The following C17orf67 variants were observed in gnomAD, a reference collection of about 807,000 sequenced individuals.
C17orf67 encodes the protein chromosome 17 open reading frame 67, also known as uncharacterized protein C17orf67.
C17orf67 carries 12 observed loss-of-function variants against 11.2 expected under a neutral mutation model. The ratio of observed to expected loss-of-function variants is 1.07; its 90% CI spans 0.68 to 1.73. The LOEUF is 1.73. Among genes scored for constraint, C17orf67 ranks in the 40% most tolerant of loss-of-function variants. The probability of loss-of-function intolerance (pLI) is 0.00; values close to 1 mark genes in which losing one functional copy is unlikely to be tolerated. For missense variants in C17orf67, 115 were observed against 113.5 expected (o/e 1.01, Z -0.06); for synonymous variants, 59 against 46.9 (o/e 1.26, Z -1.05).
chr17:56,819,475 A>G, intron 4 of C17orf67, among the ~76,000 whole-genome samples: 1 of 152,134 alleles, frequency 6.6e-6, no homozygotes, highest in East Asian at 1.9e-4. Context: ...GCAAGCTTGT[A>G]TTATTTTTAT....
chr17:56,831,088 C>T (rs1368765319), intron 2 of C17orf67, among the ~76,000 whole-genome samples: 1 of 151,942 alleles, frequency 6.6e-6, no homozygotes, highest in Non-Finnish European at 1.5e-5. Flanking sequence ...AGTTTCATTT[C>T]AATATAAAAG....
chr17:56,793,093 C>G (rs1905148078), intron 7 of C17orf67, among the ~76,000 whole-genome samples: 1 of 151,768 alleles, frequency 6.6e-6, no homozygotes, highest in Non-Finnish European at 1.5e-5. Flanking sequence ...CAAGGAAGAA[C>G]AAACACCATC....
intron 6 of C17orf67, chr17:56,804,141 T>G (rs1473764212): frequency 1.3e-5 from 2 of 152,180 alleles, no homozygotes; most frequent in Non-Finnish European, 2.9e-5. Context: ...CCATGTCAAA[T>G]GCCAACTATA....
intron 5 of C17orf67, 27 bp from the exon 6 acceptor site, chr17:56,814,996 G>A (rs1342549274): frequency 6.3e-7 from 1 of 1,576,400 alleles, no homozygotes; most frequent in Middle Eastern, 1.7e-4. Context: ...GGTGCCTTAA[G>A]GACACTCAGG....
chr17:56,828,864 A>C (rs1453429671), intron 2 of C17orf67, among the ~76,000 whole-genome samples: 1 of 152,124 alleles, frequency 6.6e-6, no homozygotes, highest in East Asian at 1.9e-4. Flanking sequence ...AAAAAAAAAA[A>C]AAAAAACACT....
chr17:56,809,637 CCTCA>C (rs1211577727), intron 6 of C17orf67, among the ~76,000 whole-genome samples: 1 of 139,118 alleles, frequency 7.2e-6, no homozygotes, highest in African/African-American at 2.7e-5. Context: ...ACACACACAC[CCTCA>C]CACACAGACC....
chr17:56,792,691 A>ATGGTGATGATGGGGTGATGGTGATGG (rs1905129217), intron 7 of C17orf67, among the ~76,000 whole-genome samples: 1 of 86,736 alleles, frequency 1.2e-5, no homozygotes, highest in Non-Finnish European at 2.5e-5. Flanking sequence ...GATGGTGATG[A>ATGGTGATGATGGGGTGATGGTGATGG]TGGTGGCAAT....
intron 6 of C17orf67, among the ~76,000 whole-genome samples, chr17:56,800,096 C>T (rs183094879): frequency 7.9e-6 from 1 of 126,026 alleles, no homozygotes; most frequent in Non-Finnish European, 1.6e-5. Context: ...GACGGAGTCT[C>T]GCTCTGTCGC....
chr17:56,828,190 G>C (rs1309825393), intron 2 of C17orf67, among the ~76,000 whole-genome samples: 1 of 150,914 alleles, frequency 6.6e-6, no homozygotes, highest in Non-Finnish European at 1.5e-5. Flanking sequence ...TGGATCATCT[G>C]AGGTTGGGAG....
At chr17:56,813,630 A>C (rs924306821) in intron 6 of C17orf67, among the ~76,000 whole-genome samples, 17 of 152,024 alleles carry the variant, frequency 1.1e-4, no homozygotes, top group African/African-American at 4.1e-4. Flanking sequence ...CTTAAATCAT[A>C]CTGCATAGCA....
intron 6 of C17orf67, among the ~76,000 whole-genome samples, chr17:56,796,285 G>C (rs1428022110): frequency 6.6e-6 from 1 of 152,112 alleles, no homozygotes; most frequent in African/African-American, 2.4e-5. Context: ...AAAACCAGAA[G>C]CAACCCAAAT....
At chr17:56,813,168 T>A (rs1905672661) in intron 6 of C17orf67, among the ~76,000 whole-genome samples, 1 of 151,916 alleles carries the variant, frequency 6.6e-6, no homozygotes, top group African/African-American at 2.4e-5. Context: ...GAATGGCCGC[T>A]CCAGGCATCA....
At chr17:56,795,565 A>C (rs777175917) in intron 6 of C17orf67, among the ~76,000 whole-genome samples, 1 of 152,172 alleles carries the variant, frequency 6.6e-6, no homozygotes. Context: ...TGCTGGGCCT[A>C]TCTTACAGTT....
At chr17:56,830,115 A>C (rs1408755639) in intron 2 of C17orf67, among the ~76,000 whole-genome samples, 2 of 152,054 alleles carry the variant, frequency 1.3e-5, no homozygotes, top group Non-Finnish European at 2.9e-5. Context: ...AGGCTGAGGC[A>C]GGCGGATCAT....
intron 2 of C17orf67, among the ~76,000 whole-genome samples, chr17:56,828,441 G>A (rs1489938104): frequency 2.6e-5 from 4 of 152,016 alleles, no homozygotes; most frequent in Non-Finnish European, 5.9e-5. Flanking sequence ...GTCCTGACCA[G>A]GTCTCTGGAA....
chr17:56,811,751 G>T (rs1473690095), intron 6 of C17orf67, among the ~76,000 whole-genome samples: 2 of 152,226 alleles, frequency 1.3e-5, no homozygotes, highest in Non-Finnish European at 2.9e-5. Flanking sequence ...TGCACATCTT[G>T]ATCAGCACGC....
At chr17:56,824,464 G>A (rs768321406) in intron 4 of C17orf67, among the ~76,000 whole-genome samples, 66 of 152,348 alleles carry the variant, frequency 4.3e-4, no homozygotes, top group Middle Eastern at 3.4e-3. Context: ...ACCAGGAGCT[G>A]ATGGGCTCCC....
intron 6 of C17orf67, among the ~76,000 whole-genome samples, chr17:56,801,127 G>A (rs973703876): frequency 5.3e-5 from 8 of 152,238 alleles, no homozygotes; most frequent in Admixed American, 4.6e-4. Flanking sequence ...TTAACTTGGA[G>A]TGTGTTTTTT....
intron 4 of C17orf67, among the ~76,000 whole-genome samples, chr17:56,824,199 G>A (rs970503987): frequency 9.2e-5 from 14 of 152,328 alleles, no homozygotes; most frequent in African/African-American, 3.1e-4. Flanking sequence ...TTATAGGAGT[G>A]AGTTAGTTCT....
Sources: allele counts gnomAD v4.1 joint callset (sites outside exome capture counted in the v4.1 genomes callset), GRCh38; gene constraint gnomAD v4.1.1; transcripts MANE v1.5; gene names NCBI Gene and HGNC (gene_info 2026-07-23, HGNC 2026-07-21).